SURF1: variants seen among roughly 807,000 people sequenced by gnomAD.
SURF1 encodes surfeit locus protein 1.
A neutral mutation model predicts 34.1 loss-of-function variants in SURF1; 45 were observed. That is an observed-to-expected ratio of 1.32 (90% confidence interval 1.04 to 1.69). The LOEUF is 1.69. Among genes scored for constraint, SURF1 ranks in the 40% most tolerant of loss-of-function variants. The probability of loss-of-function intolerance (pLI) is 0.00; values close to 1 mark genes in which losing one functional copy is unlikely to be tolerated. For missense variants in SURF1, 456 were observed against 384.6 expected, an observed-to-expected ratio of 1.19 and a Z score of -1.55; for synonymous variants, 188 against 147.5, an observed-to-expected ratio of 1.27 and a Z score of -1.99.
intron 2 of SURF1, 37 bp from the exon 3 acceptor site, chr9:133,354,994 C>A: frequency 6.2e-7 from 1 of 1,610,372 alleles, no homozygotes; most frequent in Non-Finnish European, 8.5e-7. Context: ...GAGCCAGAAG[C>A]CCTCGAACAC....
rs1351562833 is a variant in SURF1 at position 133,355,978 on chromosome 9, CCCATTAG to C, written c.106+284_106+290del. ...CTGGGCTTTCAGCCTGGGCTGGCCA[CCCATTAG>C]CTGGATGGGACGTTCGGAAGTAACT... On this transcript the variant is annotated intron_variant, in intron 2 of 8. Transcript: ENST00000371974. 1.4e-4 allele frequency: 74 copies of C among 546,068 alleles called. 1 individual carries two copies. Among genetic ancestry groups the C allele is most frequent in the Non-Finnish European group, 2.3e-4 (69 of 304,328 alleles). 33.8% of individuals were successfully genotyped at this position (546,068 alleles called of 1,614,324 possible). A position where few individuals can be genotyped will look rare whatever the true frequency, so the allele number is the denominator to read the frequency against.
In SURF1 at chr9:133,356,437, G is replaced by A. The variant is rs2130026792; in HGVS notation, c.17C>T (p.Ala6Val). 29 of 1,412,654 alleles carry A rather than the reference G, an allele frequency of 2.1e-5. No individual in the cohort carries two copies. The African/African-American group carries it at 3.0e-4, about 15-fold the overall frequency. The allele number at this position is 1,412,654 out of a possible 1,614,324, so 87.5% of individuals were successfully genotyped here. The change falls in exon 1 of 9, where the codon GCG (alanine) becomes GTG (valine). Residue 6 changes from alanine to valine, a missense_variant. Physicochemically the swap from Ala to Val is moderately conservative, Grantham distance 64 (BLOSUM62 0). Coordinates refer to ENST00000371974, the MANE Select transcript of SURF1 (RefSeq NM_003172.4). ...CGCCGCCCGCAGCCCCAGCTGCAACGCAGCCACCGCCGCCATCGCACCCGG... is the reference window on the plus strand; with the variant it reads ...CGCCGCCCGCAGCCCCAGCTGCAACACAGCCACCGCCGCCATCGCACCCGG... MAAVA[A>V]LQLGLRAAGL...
At chr9:133,352,402 T>A in intron 7 of SURF1, 44 bp downstream of exon 7, 1 of 1,614,014 alleles carries the variant, frequency 6.2e-7, no homozygotes, top group Non-Finnish European at 8.5e-7. Flanking sequence ...AGGACAGTAT[T>A]CACAAAAGCT....
At chr9:133,352,846 AG>A in intron 5 of SURF1, 80 bp from the exon 6 acceptor site, 1 of 1,427,706 alleles carries the variant, frequency 7.0e-7, no homozygotes, top group Non-Finnish European at 9.6e-7. Flanking sequence ...AGGCACCCAT[AG>A]GAACAACTAG....
chr9:133,355,019 C>A, intron 2 of SURF1, 62 bp from the exon 3 acceptor site: 5 of 1,604,548 alleles, frequency 3.1e-6, no homozygotes, highest in Non-Finnish European at 4.2e-6. Context: ...CTGGAGCAGC[C>A]CGTTCCAAGA....
rs1836428263 is a variant in SURF1 at position 133,352,042 on chromosome 9, A to G, written c.833+19T>C. The G allele has an allele frequency of 1.9e-6, 3 of 1,612,474 alleles. No homozygotes were observed. Among genetic ancestry groups the G allele is most frequent in the African/African-American group, 2.7e-5 (2 of 75,018 alleles). ...GCTAGGCTGAAGGGGAGGAAGCCAG[A>G]GGGCCGCTGGGGACTCACCAGGTCA... On this transcript the variant is annotated intron_variant, in intron 8 of 8. Coordinates refer to ENST00000371974, the MANE Select transcript of SURF1 (RefSeq NM_003172.4).
At chr9:133,354,615 G>C in intron 4 of SURF1, 44 bp downstream of exon 4, 1 of 1,608,508 alleles carries the variant, frequency 6.2e-7, no homozygotes, top group Non-Finnish European at 8.5e-7. Context: ...CTCTGCTGTT[G>C]AACTCAAGTA....
intron 4 of SURF1, chr9:133,354,241 T>G: frequency 1.9e-6 from 1 of 516,458 alleles, no homozygotes; most frequent in Non-Finnish European, 3.5e-6. Flanking sequence ...CTACCCTGAA[T>G]GGAAAATGTG....
intron 7 of SURF1, 49 bp from the exon 8 acceptor site, chr9:133,352,191 C>A: frequency 6.5e-7 from 1 of 1,536,530 alleles, no homozygotes; most frequent in Non-Finnish European, 8.8e-7. Context: ...CTGCCAGCCT[C>A]TGCACCACTT....
chr9:133,354,138 A>G lies in SURF1; in HGVS notation c.324-198T>C. On this transcript the variant is annotated intron_variant, in intron 4 of 8. Coordinates refer to ENST00000371974, the MANE Select transcript of SURF1 (RefSeq NM_003172.4). ...AGTCCAACTTTACAAGAGAGGCTAA[A>G]AATCTGGACTCCTCAATGAATATTT... The G allele has an allele frequency of 4.5e-6, 3 of 667,032 alleles. No individual in the cohort carries two copies. In the East Asian group the frequency reaches 8.2e-5, roughly 18 times the overall value. The allele number at this position is 667,032 out of a possible 1,614,324, so 41.3% of individuals were successfully genotyped here.
chr9:133,353,820 C>G lies in SURF1; in HGVS notation c.444G>C (p.Glu148Asp), dbSNP rs886950520. Reference protein sequence around the residue: ...TMVDPVREAREGGLISSSTQS... With the variant: ...TMVDPVREARDGGLISSSTQS... ...GAGTTGAGGAGGAGATGAGGCCGCCCTCCCGGGCCTCCCGGACAGGGTCCA... is the reference window on the plus strand; with the variant it reads ...GAGTTGAGGAGGAGATGAGGCCGCCGTCCCGGGCCTCCCGGACAGGGTCCA... The change falls in exon 5 of 9, where the codon GAG becomes GAC. Residue 148 changes from glutamate (E) to aspartate (D), a missense_variant. Glu to Asp is a conservative substitution (Grantham distance 45, BLOSUM62 2). Transcript: ENST00000371974. The G allele has an allele frequency of 6.2e-7, 1 of 1,613,702 alleles. No individual in the cohort carries two copies. The highest frequency in any genetic ancestry group is 1.3e-5 in the African/African-American group (1 of 74,934).
chr9:133,355,116 G>C (rs587624550), intron 2 of SURF1, among the ~76,000 whole-genome samples, 159 bp from the exon 3 acceptor site: 1 of 152,170 alleles, frequency 6.6e-6, no homozygotes, highest in African/African-American at 2.4e-5. Context: ...CCGGTGCCCA[G>C]AACAAGGCAC....
chr9:133,356,441 C>A lies in SURF1; in HGVS notation c.13G>T (p.Ala5Ser). The change falls in exon 1 of 9, where the codon GCT (alanine) becomes TCT (serine). Residue 5 changes from alanine to serine, a missense_variant. Coordinates refer to ENST00000371974, the MANE Select transcript of SURF1 (RefSeq NM_003172.4). ...GCCCGCAGCCCCAGCTGCAACGCAG[C>A]CACCGCCGCCATCGCACCCGGCCCC... MAAV[A>S]ALQLGLRAAG... The A allele has an allele frequency of 7.1e-7, 1 of 1,416,742 alleles. No homozygotes were observed. Among genetic ancestry groups the A allele is most frequent in the Non-Finnish European group, 9.2e-7 (1 of 1,087,208 alleles). 87.8% of individuals were successfully genotyped at this position (1,416,742 alleles called of 1,614,324 possible).
In SURF1 at chr9:133,351,943, C is replaced by G; in HGVS notation, c.873G>C (p.Lys291Asn). The change falls in exon 9 of 9, where the codon AAG (lysine) becomes AAC (asparagine). Residue 291 changes from lysine to asparagine, a missense_variant. Lys to Asn is a moderately conservative substitution (Grantham distance 94). Transcript: ENST00000371974. ...LSAATSYLWF[K>N]KFLRGTPGV is the part of the protein sequence containing the mutation. ...CACCAGGTGTCCCACGTAGGAATTT[C>G]TTAAACCACAGGTAGGATGTAGCTG... 1.2e-6 allele frequency: 2 copies of G among 1,613,956 alleles called. No homozygotes were observed. The highest frequency in any genetic ancestry group is 1.7e-6 in the Non-Finnish European group (2 of 1,179,994).
In SURF1 at chr9:133,352,437, A is replaced by G. The variant is rs2130006824; in HGVS notation, c.751+9T>C. The G allele has an allele frequency of 4.5e-5, 72 of 1,614,134 alleles. No individual in the cohort carries two copies. The highest frequency in any genetic ancestry group is 5.9e-5 in the Non-Finnish European group (70 of 1,180,054). The stretch of plus-strand genomic sequence containing the variant: ...TACTTGTTCCGAGATGGGCTGGTCC[A>G]CAACGTACGGAAGTTGGCATCAATG... On this transcript the variant is annotated intron_variant, in intron 7 of 8. Coordinates refer to ENST00000371974, the MANE Select transcript of SURF1 (RefSeq NM_003172.4).
chr9:133,351,914 C>T lies in SURF1; in HGVS notation c.902G>A (p.Ter301=). The T allele has an allele frequency of 6.2e-7, 1 of 1,613,448 alleles. No individual in the cohort carries two copies. Among genetic ancestry groups the T allele is most frequent in the Non-Finnish European group, 8.5e-7 (1 of 1,179,790 alleles). ...GACAGGGCTTCAGCAGCTGATCTGTCACACACCAGGTGTCCCACGTAGGAA... is the reference window on the plus strand; with the variant it reads ...GACAGGGCTTCAGCAGCTGATCTGTTACACACCAGGTGTCCCACGTAGGAA... The part of the protein sequence containing the change: ...KKFLRGTPGV[*] The change falls in exon 9 of 9, where the codon TGA becomes TAA. Residue 301 remains the stop codon, a stop_retained_variant. Transcript: ENST00000371974.
At chr9:133,353,715 G>A in intron 5 of SURF1, 34 bp downstream of exon 5, 3 of 1,611,918 alleles carry the variant, frequency 1.9e-6, no homozygotes, top group Non-Finnish European at 2.5e-6. Context: ...GACTGCCTCT[G>A]CCAGGACAGC....
chr9:133,352,360 C>T, intron 7 of SURF1, 86 bp downstream of exon 7: 4 of 1,597,398 alleles, frequency 2.5e-6, no homozygotes, highest in Non-Finnish European at 3.4e-6. Context: ...ACATAAGCCA[C>T]AGTAGTGACT....
chr9:133,352,542 CAG>C lies in SURF1; in HGVS notation c.653_654del (p.Pro218ArgfsTer29), dbSNP rs1192554052. 2 of 1,614,224 alleles carry C rather than the reference CAG, an allele frequency of 1.2e-6. No individual in the cohort carries two copies. Among genetic ancestry groups the C allele is most frequent in the East Asian group, 4.5e-5 (2 of 44,884 alleles). On this transcript the variant is annotated frameshift_variant, in exon 7 of 9. Transcript: ENST00000371974. LOFTEE classifies it high-confidence loss of function. ...CAGTGGTTCCTTTCTGGATTGTTCT[CAG>C]GGACAAAAGGCTGCCTGGTTTCTGT... Reference protein sequence around the residue: ...RLTETRQPFVPENNPERNHWH... With the variant: ...RLTETRQPFVXENNPERNHWH...
Sources: allele counts gnomAD v4.1 joint callset (sites outside exome capture counted in the v4.1 genomes callset), GRCh38; gene constraint gnomAD v4.1.1; transcripts MANE v1.5; gene names NCBI Gene and HGNC (gene_info 2026-07-23, HGNC 2026-07-21).